The following PFKL variants were observed in gnomAD, a reference collection of about 807,000 sequenced individuals.
PFKL encodes ATP-dependent 6-phosphofructokinase, liver type.
A neutral mutation model predicts 92.1 loss-of-function variants in PFKL; 74 were observed. The ratio of observed to expected loss-of-function variants is 0.80; its 90% CI spans 0.67 to 0.97. PFKL has a LOEUF of 0.97. Among genes scored for constraint, PFKL ranks in the 50% least tolerant of loss-of-function variants. The pLI is 0.00. For missense variants in PFKL, 1,028 were observed against 1,116.6 expected (o/e 0.92, Z 1.13); for synonymous variants, 494 against 456.4 (o/e 1.08, Z -1.05).
At chr21:44,309,921 C>A (rs1029594318) in intron 2 of PFKL, among the ~76,000 whole-genome samples, 8 of 152,238 alleles carry the variant, frequency 5.3e-5, no homozygotes, top group African/African-American at 1.7e-4. Context: ...GTTCATGCGC[C>A]CCGCAGCGCG....
rs371779839 is a variant in PFKL at position 44,320,163 on chromosome 21, G to A, written c.1191+16G>A. On this transcript the variant is annotated intron_variant, in intron 12 of 21. Coordinates refer to ENST00000349048, the MANE Select transcript of PFKL (RefSeq NM_002626.6). ...CAAGGAGAAGGTGAGGCAGGGAGCG[G>A]CGCCCACAGAGGGAGGAACGGGCTC... 2.5e-6 allele frequency: 4 copies of A among 1,610,370 alleles called. No homozygotes were observed. The highest frequency in any genetic ancestry group is 2.7e-5 in the African/African-American group (2 of 74,890).
chr21:44,324,643 C>G lies in PFKL; in HGVS notation c.1803C>G (p.Ile601Met). 2.5e-6 allele frequency: 4 copies of G among 1,595,648 alleles called. No individual in the cohort carries two copies. Among genetic ancestry groups the G allele is most frequent in the Middle Eastern group, 1.7e-4 (1 of 5,976 alleles). The change falls in exon 17 of 22, where the codon ATC becomes ATG. Residue 601 changes from isoleucine (I) to methionine (M), a missense_variant. By Grantham distance (10) the Ile-to-Met change is conservative (BLOSUM62 1). Coordinates refer to ENST00000349048, the MANE Select transcript of PFKL (RefSeq NM_002626.6). ...ACGTCTTCGAGGACCCTTTCAACATCCACGACTTAAAGGTGAGCCCAGCCC... is the reference window on the plus strand; with the variant it reads ...ACGTCTTCGAGGACCCTTTCAACATGCACGACTTAAAGGTGAGCCCAGCCC... ...AAYVFEDPFNIHDLKVNVEHM... is the reference protein window; with the variant it reads ...AAYVFEDPFNMHDLKVNVEHM...
At chr21:44,300,681 G>A (rs2040747960) in intron 1 of PFKL, among the ~76,000 whole-genome samples, 1 of 152,246 alleles carries the variant, frequency 6.6e-6, no homozygotes, top group Non-Finnish European at 1.5e-5. Flanking sequence ...CCTCGCGGCC[G>A]CCTTCCTTGT....
At chr21:44,306,615 A>T (rs965662616) in intron 1 of PFKL, 66 bp from the exon 2 acceptor site, 11 of 1,377,734 alleles carry the variant, frequency 8.0e-6, no homozygotes, top group Admixed American at 2.0e-5. Flanking sequence ...GTCCTCTGAG[A>T]TGGGGAGGGT....
At chr21:44,321,982 T>C in intron 13 of PFKL, 107 bp downstream of exon 13, 1 of 1,453,028 alleles carries the variant, frequency 6.9e-7, no homozygotes, top group Non-Finnish European at 9.3e-7. Flanking sequence ...GAGACCTGGG[T>C]CCGCGTGTCG....
At chr21:44,308,059 G>A (rs139755798) in intron 2 of PFKL, among the ~76,000 whole-genome samples, 4 of 152,192 alleles carry the variant, frequency 2.6e-5, no homozygotes, top group African/African-American at 7.2e-5. Context: ...TGGAGAAGCC[G>A]AGGGGTACAG....
chr21:44,324,353 C>G, intron 16 of PFKL, 138 bp from the exon 17 acceptor site: 1 of 861,362 alleles, frequency 1.2e-6, no homozygotes, highest in Non-Finnish European at 1.8e-6. Context: ...GGGCCCAAGC[C>G]TGGTGCTGCT....
chr21:44,325,566 C>T (rs914645353), intron 19 of PFKL: 13 of 528,706 alleles, frequency 2.5e-5, no homozygotes, highest in African/African-American at 7.6e-5. Context: ...CCTAGATCCC[C>T]GCATGCTCCC....
intron 13 of PFKL, 106 bp downstream of exon 13, chr21:44,321,981 G>A (rs2047367363): frequency 1.4e-6 from 2 of 1,457,968 alleles, no homozygotes; most frequent in African/African-American, 1.4e-5. Flanking sequence ...TGAGACCTGG[G>A]TCCGCGTGTC....
chr21:44,318,320 C>A, intron 9 of PFKL, 150 bp from the exon 10 acceptor site: 2 of 758,414 alleles, frequency 2.6e-6, no homozygotes, highest in Non-Finnish European at 3.8e-6. Context: ...GCTGGTCAGA[C>A]ACGTTTCCAT....
In PFKL at chr21:44,321,926, A is replaced by C. The variant is rs751983390; in HGVS notation, c.1338+51A>C. The C allele has an allele frequency of 7.9e-6, 12 of 1,512,606 alleles. No individual in the cohort carries two copies. In the South Asian group the frequency reaches 1.3e-4, roughly 17 times the overall value. 93.7% of individuals were successfully genotyped at this position (1,512,606 alleles called of 1,614,324 possible). A position where few individuals can be genotyped will look rare whatever the true frequency, so the allele number is the denominator to read the frequency against. Reference sequence around the variant, plus strand: ...GAGGACTTGGGCCTTCTGTGTGCACACTTGGGGCATTTCCTGTGGAAGGCC... The same window carrying C: ...GAGGACTTGGGCCTTCTGTGTGCACCCTTGGGGCATTTCCTGTGGAAGGCC... On this transcript the variant is annotated intron_variant, in intron 13 of 21. Coordinates refer to ENST00000349048, the MANE Select transcript of PFKL (RefSeq NM_002626.6).
At chr21:44,312,059 C>A in intron 3 of PFKL, 46 bp from the exon 4 acceptor site, 6 of 1,373,408 alleles carry the variant, frequency 4.4e-6, no homozygotes, top group Non-Finnish European at 5.7e-6. Flanking sequence ...CAGGGGCTGT[C>A]TGCCGCCTGC....
At chr21:44,310,785 C>T (rs2047019122) in intron 2 of PFKL, among the ~76,000 whole-genome samples, 1 of 152,018 alleles carries the variant, frequency 6.6e-6, no homozygotes. Context: ...ACAGGAGTCA[C>T]GCCCCGGGAC....
chr21:44,321,510 C>G (rs2047354505), intron 12 of PFKL: 2 of 404,530 alleles, frequency 4.9e-6, no homozygotes, highest in South Asian at 8.3e-5. Context: ...GCCAGGGGGC[C>G]AGGCTTGCAC....
rs1057034 is a variant in PFKL, at chr21:44,312,233, C to T, written c.366C>T (p.Leu122=). Residue 122 remains leucine, a synonymous_variant, in exon 4 of 22, where the codon CTC becomes CTT. Transcript: ENST00000349048. ...NLCVIGGDGS[L]TGANIFRSEW... is the part of the protein sequence containing the mutation. ...GCGTCATCGGCGGGGATGGCAGCCT[C>T]ACAGGTGCCAACATCTTCCGCAGCG... is the stretch of plus-strand genomic sequence containing the variant. The T allele has an allele frequency of 0.56, 892,271 of 1,596,274 alleles. 254,071 individuals carry two copies. Among genetic ancestry groups the T allele is most frequent in the Non-Finnish European group, 0.59 (689,919 of 1,171,784 alleles).
At chr21:44,303,939 G>A (rs539171288) in intron 1 of PFKL, among the ~76,000 whole-genome samples, 38 of 152,130 alleles carry the variant, frequency 2.5e-4, no homozygotes, top group Non-Finnish European at 5.0e-4. Context: ...AAGAAAAGCC[G>A]ATTAAAGGGC....
intron 18 of PFKL, 43 bp downstream of exon 18, chr21:44,324,960 TCTCGGGGCTGGGGTGGGG>T: frequency 6.5e-7 from 1 of 1,547,570 alleles, no homozygotes; most frequent in Non-Finnish European, 8.8e-7. Flanking sequence ...CGCGTCCAAC[TCTCGGGGCTGGGGTGGGG>T]CTGCTGAGGA....
At chr21:44,314,414 A>G in intron 7 of PFKL, 2 of 211,122 alleles carry the variant, frequency 9.5e-6, no homozygotes, top group South Asian at 1.7e-4. Flanking sequence ...TGGCGAGGCC[A>G]GGAGCTGGGC....
chr21:44,319,014 G>A (rs1372922332), intron 10 of PFKL, among the ~76,000 whole-genome samples: 2 of 152,136 alleles, frequency 1.3e-5, no homozygotes, highest in African/African-American at 2.4e-5. Flanking sequence ...GAGGTACGGG[G>A]AAGGCAGAGG....
Sources: gnomAD v4.1 joint callset for allele counts (sites outside exome capture counted in the v4.1 genomes callset) on GRCh38, gnomAD v4.1.1 for gene constraint, MANE v1.5 for transcripts, NCBI Gene and HGNC (gene_info 2026-07-23, HGNC 2026-07-21) for gene names.